The following SNX1 variants were observed in gnomAD, a reference collection of about 807,000 sequenced individuals.
The protein encoded by SNX1 is sorting nexin-1.
SNX1 carries 36 observed loss-of-function variants against 71.8 expected under a neutral mutation model. That is an observed-to-expected ratio of 0.50 (90% CI 0.38 to 0.66). The LOEUF is 0.66. Ranked by LOEUF, SNX1 falls within the 30% of genes least tolerant of loss-of-function variation. SNX1 has a pLI of 0.00. For missense variants in SNX1, 612 were observed against 646.7 expected, an observed-to-expected ratio of 0.95 and a Z score of 0.58; for synonymous variants, 254 against 240.7, an observed-to-expected ratio of 1.06 and a Z score of -0.51.
At chr15:64,132,161 T>C (rs1167098301) in intron 11 of SNX1, among the ~76,000 whole-genome samples, 1 of 152,214 alleles carries the variant, frequency 6.6e-6, no homozygotes, top group Non-Finnish European at 1.5e-5. Flanking sequence ...TTGCCCTTTA[T>C]TGTTGAGGCC....
Position 64,112,645 on chromosome 15 carries a change from C to T in SNX1, c.232C>T (p.His78Tyr), listed in dbSNP as rs1254689405. ...INNGSKENGI[H>Y]EEQDQEPQDL... ...CAATGGCTCCAAAGAAAATGGGATC[C>T]ATGAAGAACAAGACCAAGAGCCACA... Residue 78 changes from histidine (H) to tyrosine (Y), a missense_variant, in exon 2 of 15, where the codon CAT becomes TAT. By Grantham distance (83) the His-to-Tyr change is moderately conservative. Transcript: ENST00000559844. 1 of 1,612,952 alleles carries T rather than the reference C, an allele frequency of 6.2e-7. No individual in the cohort carries two copies. Among genetic ancestry groups the T allele is most frequent in the Non-Finnish European group, 8.5e-7 (1 of 1,179,640 alleles).
rs898000269 is a variant in SNX1, at chr15:64,141,999, G to T, written c.*4381G>T. On this transcript the variant is annotated 3_prime_UTR_variant, in exon 15 of 15. Coordinates refer to ENST00000559844, the MANE Select transcript of SNX1 (RefSeq NM_003099.5). This position sits in a 1 kb window ranked among gnomAD's most constrained non-coding sequence, Gnocchi z 5.1. ...TGAGGCAATAGGTTTGGGGCAGATGGGAGGGGAAGCAGTGGTGGGGGCAGT... is the reference window on the plus strand; with the variant it reads ...TGAGGCAATAGGTTTGGGGCAGATGTGAGGGGAAGCAGTGGTGGGGGCAGT... 1 of 152,546 alleles carries T rather than the reference G, an allele frequency of 6.6e-6. No homozygotes were observed. The highest frequency in any genetic ancestry group is 1.5e-5 in the Non-Finnish European group (1 of 68,362). 9.4% of individuals were successfully genotyped at this position (152,546 alleles called of 1,614,324 possible).
In SNX1 at chr15:64,127,199, G is replaced by A; in HGVS notation, c.678G>A (p.Lys226=). The A allele has an allele frequency of 6.2e-7, 1 of 1,613,652 alleles. No individual in the cohort carries two copies. Residue 226 remains lysine (K), a synonymous_variant, in exon 7 of 15, where the codon AAG becomes AAA. Transcript: ENST00000559844. The stretch of plus-strand genomic sequence containing the variant: ...GGATGACAAAAGTGAAAGTTGGGAA[G>A]GAAGATTCTTCTTCTGCAGAATTTC... ...LIGMTKVKVG[K]EDSSSAEFLE...
intron 1 of SNX1, among the ~76,000 whole-genome samples, chr15:64,102,548 C>T (rs2080973439): frequency 6.6e-6 from 1 of 152,118 alleles, no homozygotes; most frequent in African/African-American, 2.4e-5. Flanking sequence ...CCCTTCTCAG[C>T]TTCTGGGAAT....
At chr15:64,128,361 T>C (rs2081274523) in intron 8 of SNX1, among the ~76,000 whole-genome samples, 1 of 152,328 alleles carries the variant, frequency 6.6e-6, no homozygotes, top group South Asian at 2.1e-4. Flanking sequence ...TGGACATGTA[T>C]GTTAAAAGAA....
In SNX1 at chr15:64,138,309, G is replaced by T; in HGVS notation, c.*691G>T. On this transcript the variant is annotated 3_prime_UTR_variant, in exon 15 of 15. Transcript: ENST00000559844. ...AACCTATTCTCCTGCAAAGGAGGCA[G>T]AGACTTTCTCTCTCTCTTTTTTTTT... The T allele has an allele frequency of 4.3e-6, 4 of 938,626 alleles. No individual in the cohort carries two copies. Among genetic ancestry groups the T allele is most frequent in the Non-Finnish European group, 5.9e-6 (4 of 678,476 alleles). 58.1% of individuals were successfully genotyped at this position (938,626 alleles called of 1,614,324 possible). A position where few individuals can be genotyped will look rare whatever the true frequency, so the allele number is the denominator to read the frequency against.
chr15:64,131,089 C>T (rs2081301997), intron 10 of SNX1, among the ~76,000 whole-genome samples: 1 of 152,084 alleles, frequency 6.6e-6, no homozygotes, highest in Non-Finnish European at 1.5e-5. Flanking sequence ...TCAAGGCCAG[C>T]CTGGCCAAGA....
chr15:64,138,441 A>G lies in SNX1; in HGVS notation c.*823A>G, dbSNP rs776764718. On this transcript the variant is annotated 3_prime_UTR_variant, in exon 15 of 15. Coordinates refer to ENST00000559844, the MANE Select transcript of SNX1 (RefSeq NM_003099.5). Reference sequence around the variant, plus strand: ...GTCTTGCCCTCTGATGGCAAGTCTTATATATAACTAAACCTATTTTTGTCA... The same window carrying G: ...GTCTTGCCCTCTGATGGCAAGTCTTGTATATAACTAAACCTATTTTTGTCA... 3.0e-4 allele frequency: 131 copies of G among 439,676 alleles called. 1 individual carries two copies. The South Asian group carries it at 5.2e-3, about 18-fold the overall frequency. 27.2% of individuals were successfully genotyped at this position (439,676 alleles called of 1,614,324 possible).
chr15:64,109,651 G>A (rs955062028), intron 1 of SNX1, among the ~76,000 whole-genome samples: 2 of 151,946 alleles, frequency 1.3e-5, no homozygotes, highest in Admixed American at 6.6e-5. Flanking sequence ...GGGATTACAG[G>A]TACCCACCAA....
intron 1 of SNX1, among the ~76,000 whole-genome samples, chr15:64,103,238 G>A (rs762887199): frequency 6.6e-6 from 1 of 152,156 alleles, no homozygotes; most frequent in African/African-American, 2.4e-5. Context: ...GTTGCTGGAT[G>A]CTATGGTAGT....
rs200116769 is a variant in SNX1 at position 64,130,296 on chromosome 15, A to G, written c.990A>G (p.Val330=). 9 of 1,614,096 alleles carry G rather than the reference A, an allele frequency of 5.6e-6. No individual in the cohort carries two copies. In the Admixed American group the frequency reaches 1.3e-4, roughly 24 times the overall value. ...GCTTACGGAAACTGCATGCTGTTGT[A>G]GAAACTCTAGTCAACCATAGGAAAG... ...EQRLRKLHAV[V]ETLVNHRKEL... The change falls in exon 10 of 15, where the codon GTA becomes GTG. Residue 330 remains valine (V), a synonymous_variant. Coordinates refer to ENST00000559844, the MANE Select transcript of SNX1 (RefSeq NM_003099.5).
At chr15:64,124,372 T>C (rs1336290266) in intron 5 of SNX1, among the ~76,000 whole-genome samples, 1 of 151,320 alleles carries the variant, frequency 6.6e-6, no homozygotes, top group Non-Finnish European at 1.5e-5. Flanking sequence ...CTGGGCATGG[T>C]GGCAGGCACC....
chr15:64,104,435 G>A (rs941557979), intron 1 of SNX1, among the ~76,000 whole-genome samples: 1 of 151,956 alleles, frequency 6.6e-6, no homozygotes, highest in Admixed American at 6.5e-5. Flanking sequence ...ACCACGCCCG[G>A]CTAATTTTTT....
intron 2 of SNX1, among the ~76,000 whole-genome samples, chr15:64,113,574 CTT>C (rs2081099384): frequency 6.6e-6 from 1 of 152,186 alleles, no homozygotes; most frequent in Non-Finnish European, 1.5e-5. Context: ...AATCCCAGCA[CTT>C]TGAGTGGCCA....
intron 12 of SNX1, 76 bp from the exon 13 acceptor site, chr15:64,136,254 A>C: frequency 3.5e-6 from 4 of 1,157,568 alleles, no homozygotes; most frequent in East Asian, 4.7e-5. Context: ...TCATATGTAA[A>C]ATCGCTGTCC....
At chr15:64,122,076 C>T (rs909554513) in intron 4 of SNX1, among the ~76,000 whole-genome samples, 3 of 152,168 alleles carry the variant, frequency 2.0e-5, no homozygotes, top group African/African-American at 4.8e-5. Flanking sequence ...TTTTCATGTA[C>T]ATTGCCTAAG....
Position 64,131,580 on chromosome 15 carries a change from A to C in SNX1, c.1016-107A>C, listed in dbSNP as rs913124085. ...CTGGGTTGCAGAGCCCTCAGTTCCCAGATATGCAGTGGGCGGCATTGCTAA... is the reference window on the plus strand; with the variant it reads ...CTGGGTTGCAGAGCCCTCAGTTCCCCGATATGCAGTGGGCGGCATTGCTAA... On this transcript the variant is annotated intron_variant, in intron 10 of 14. Coordinates refer to ENST00000559844, the MANE Select transcript of SNX1 (RefSeq NM_003099.5). 1.2e-5 allele frequency: 12 copies of C among 1,003,392 alleles called. No individual in the cohort carries two copies. In the African/African-American group the frequency reaches 1.4e-4, roughly 12 times the overall value. 62.2% of individuals were successfully genotyped at this position (1,003,392 alleles called of 1,614,324 possible). A position where few individuals can be genotyped will look rare whatever the true frequency, so the allele number is the denominator to read the frequency against.
chr15:64,097,014 G>A (rs1473087920), intron 1 of SNX1, among the ~76,000 whole-genome samples: 1 of 152,270 alleles, frequency 6.6e-6, no homozygotes, highest in African/African-American at 2.4e-5. Context: ...GCACCCCACA[G>A]GGTGTGAGTG....
At chr15:64,112,724 A>G (rs2140140248) in intron 2 of SNX1, 40 bp downstream of exon 2, 1 of 1,333,368 alleles carries the variant, frequency 7.5e-7, no homozygotes, top group East Asian at 2.3e-5. Context: ...AACCTCCTAA[A>G]TGGCTTTGTT....
Sources: gnomAD v4.1 joint callset for allele counts (sites outside exome capture counted in the v4.1 genomes callset) on GRCh38, gnomAD v4.1.1 for gene constraint, Gnocchi (gnomAD v3.1) non-coding constraint, MANE v1.5 for transcripts, NCBI Gene and HGNC (gene_info 2026-07-23, HGNC 2026-07-21) for gene names.